AFG2A: variants seen among roughly 807,000 people sequenced by gnomAD.
The protein encoded by AFG2A is AAA ATPase AFG2A, also known as ATPase family gene 2 protein homolog A.
the AFG2A span, among the ~76,000 whole-genome samples, chr4:123,159,395 G>C: frequency 6.6e-6 from 1 of 152,136 alleles, no homozygotes; most frequent in African/African-American, 2.4e-5. Flanking sequence ...TCAGATAGAA[G>C]TCATAGAAGT....
chr4:122,998,511 T>A, the AFG2A span, among the ~76,000 whole-genome samples: 1 of 151,688 alleles, frequency 6.6e-6, no homozygotes, highest in African/African-American at 2.4e-5. Context: ...CCTTCCTGTG[T>A]CCATGTGTTC....
chr4:123,016,940 C>T, the AFG2A span, among the ~76,000 whole-genome samples: 166 of 151,480 alleles, frequency 1.1e-3, no homozygotes, highest in African/African-American at 3.8e-3. Flanking sequence ...GCCAACACAG[C>T]GAAACCCCGT....
the AFG2A span, among the ~76,000 whole-genome samples, chr4:122,974,036 C>G: frequency 6.6e-6 from 1 of 151,904 alleles, no homozygotes; most frequent in Non-Finnish European, 1.5e-5. Context: ...CTTTGTTTTC[C>G]TCCTGTGAGT....
the AFG2A span, among the ~76,000 whole-genome samples, chr4:122,976,418 G>T: frequency 1.3e-5 from 2 of 152,138 alleles, no homozygotes; most frequent in Admixed American, 6.5e-5. Context: ...AGTCAGCATG[G>T]TATCTTTGAA....
At chr4:123,028,503 A>T in the AFG2A span, 1 of 851,026 alleles carries the variant, frequency 1.2e-6, no homozygotes, top group Non-Finnish European at 1.8e-6. Context: ...AGGAGCAGTG[A>T]TTCTTTTTTT....
At chr4:123,043,848 T>C in the AFG2A span, among the ~76,000 whole-genome samples, 15 of 152,202 alleles carry the variant, frequency 9.9e-5, no homozygotes, top group African/African-American at 3.6e-4. Context: ...CTGGGCATTT[T>C]TGTGCTAAAG....
the AFG2A span, chr4:122,934,733 G>A: frequency 5.1e-6 from 8 of 1,563,702 alleles, no homozygotes; most frequent in South Asian, 8.7e-5. Flanking sequence ...CTTTTCAAGA[G>A]TTATGGTATG....
chr4:122,992,250 C>T, the AFG2A span, among the ~76,000 whole-genome samples: 1 of 152,122 alleles, frequency 6.6e-6, no homozygotes, highest in African/African-American at 2.4e-5. Flanking sequence ...TCCTGTAATA[C>T]AGTATTTACA....
chr4:123,026,348 T>A, the AFG2A span, among the ~76,000 whole-genome samples: 1 of 152,152 alleles, frequency 6.6e-6, no homozygotes, highest in Non-Finnish European at 1.5e-5. Flanking sequence ...ATTGGTTTCT[T>A]TTAACAAAAG....
the AFG2A span, among the ~76,000 whole-genome samples, chr4:123,017,131 ACC>A: frequency 7.9e-6 from 1 of 125,926 alleles, no homozygotes; most frequent in Non-Finnish European, 1.6e-5. Context: ...GGAGAGGGAG[ACC>A]GTGGGGAGAG....
chr4:123,175,529 A>G, the AFG2A span, among the ~76,000 whole-genome samples: 1 of 152,228 alleles, frequency 6.6e-6, no homozygotes, highest in Admixed American at 6.5e-5. Flanking sequence ...GAGGACATTC[A>G]TGCACTGCTG....
At chr4:122,958,849 G>GT in the AFG2A span, among the ~76,000 whole-genome samples, 1 of 152,196 alleles carries the variant, frequency 6.6e-6, no homozygotes, top group Non-Finnish European at 1.5e-5. Context: ...ATAATTAAGT[G>GT]TTTAAGGGAG....
At chr4:123,306,104 GA>G in the AFG2A span, among the ~76,000 whole-genome samples, 1 of 152,208 alleles carries the variant, frequency 6.6e-6, no homozygotes, top group Non-Finnish European at 1.5e-5. Context: ...AGCATAGCAT[GA>G]AACTTTATAC....
the AFG2A span, among the ~76,000 whole-genome samples, chr4:123,278,501 G>T: frequency 3.9e-5 from 6 of 152,164 alleles, no homozygotes; most frequent in Non-Finnish European, 8.8e-5. Context: ...CAACCTTTGG[G>T]ATTTGTTTGC....
chr4:123,079,726 CT>C, the AFG2A span, among the ~76,000 whole-genome samples: 7 of 124,364 alleles, frequency 5.6e-5, no homozygotes, highest in East Asian at 2.3e-4. Flanking sequence ...TTAACTCCAG[CT>C]TTTTTTTTCT....
chr4:123,238,676 G>T, the AFG2A span, among the ~76,000 whole-genome samples: 2 of 152,170 alleles, frequency 1.3e-5, no homozygotes, highest in Non-Finnish European at 2.9e-5. Context: ...AACCCCATCT[G>T]TAGGTCACCA....
chr4:122,941,512 A>G, the AFG2A span, among the ~76,000 whole-genome samples: 1 of 152,272 alleles, frequency 6.6e-6, no homozygotes, highest in Admixed American at 6.5e-5. Flanking sequence ...GAAGTTGCTT[A>G]TCAGCTTAAG....
the AFG2A span, among the ~76,000 whole-genome samples, chr4:123,027,144 C>T: frequency 0.014 from 2,150 of 151,828 alleles, 56 homozygotes; most frequent in African/African-American, 0.05. Flanking sequence ...ATATTTATGT[C>T]ATTAATTGAT....
the AFG2A span, among the ~76,000 whole-genome samples, chr4:122,959,154 C>T: frequency 6.6e-6 from 1 of 152,122 alleles, no homozygotes; most frequent in South Asian, 2.1e-4. Context: ...CTAGGGCAAC[C>T]AACTACCCAG....
Sources: gnomAD v4.1 joint callset for allele counts (sites outside exome capture counted in the v4.1 genomes callset) on GRCh38, gnomAD v4.1.1 for gene constraint, MANE v1.5 for transcripts, NCBI Gene and HGNC (gene_info 2026-07-23, HGNC 2026-07-21) for gene names.